Variants in EXOSC1 observed in about 807,000 individuals in gnomAD.
EXOSC1 encodes exosome complex component CSL4.
In EXOSC1, 27 loss-of-function variants were observed where a neutral mutation model predicts 31.4. The observed-to-expected ratio is 0.86, with a 90% confidence interval of 0.63 to 1.18. EXOSC1 has a LOEUF of 1.18. Among genes scored for constraint, EXOSC1 ranks in the 50% most tolerant of loss-of-function variants. The pLI is 0.00. For missense variants in EXOSC1, 228 were observed against 250.3 expected (o/e 0.91, Z 0.60); for synonymous variants, 84 against 89.5 (o/e 0.94, Z 0.35).
chr10:97,442,975 G>A (rs1589467523), intron 3 of EXOSC1, among the ~76,000 whole-genome samples: 2 of 152,258 alleles, frequency 1.3e-5, no homozygotes, highest in Middle Eastern at 3.4e-3. Flanking sequence ...ACAAGCATGA[G>A]CCACCATGCC....
chr10:97,445,572 T>C (rs981585768), intron 2 of EXOSC1, 160 bp downstream of exon 2: 11 of 653,140 alleles, frequency 1.7e-5, no homozygotes, highest in East Asian at 8.3e-5. Context: ...GTGTGGTGGC[T>C]AAGTGCACCA....
At chr10:97,439,708 C>T (rs764161289) in intron 4 of EXOSC1, among the ~76,000 whole-genome samples, 7 of 152,192 alleles carry the variant, frequency 4.6e-5, no homozygotes, top group Non-Finnish European at 8.8e-5. Flanking sequence ...ACCACCCCCT[C>T]CATGGTCTGT....
At chr10:97,443,417 TGGA>T (rs1845777956) in intron 2 of EXOSC1, 106 bp from the exon 3 acceptor site, 2 of 953,334 alleles carry the variant, frequency 2.1e-6, no homozygotes, top group Admixed American at 2.2e-5. Flanking sequence ...AGGTGAGAGT[TGGA>T]GTATGGATTC....
chr10:97,441,852 T>A (rs1351290485), intron 3 of EXOSC1, among the ~76,000 whole-genome samples: 1 of 145,076 alleles, frequency 6.9e-6, no homozygotes, highest in Non-Finnish European at 1.5e-5. Flanking sequence ...ATAGACTTTT[T>A]AAAGTATAGA....
intron 3 of EXOSC1, 142 bp from the exon 4 acceptor site, chr10:97,441,401 C>T (rs551043383): frequency 1.7e-6 from 1 of 595,286 alleles, no homozygotes. Flanking sequence ...TCCTACTTCT[C>T]TCTGCGTAAG....
chr10:97,438,159 C>T (rs1000433704), intron 5 of EXOSC1, among the ~76,000 whole-genome samples: 13 of 151,988 alleles, frequency 8.6e-5, no homozygotes, highest in Non-Finnish European at 1.9e-4. Flanking sequence ...CCTTGTGATC[C>T]GCCCACCTTG....
Position 97,436,243 on chromosome 10 carries a change from C to A in EXOSC1, c.*202G>T. 2.1e-6 allele frequency: 1 copy of A among 469,602 alleles called. No homozygotes were observed. The allele number at this position is 469,602 out of a possible 1,614,324, so 29.1% of individuals were successfully genotyped here. ...AATATCACAGTTTTGTTTGTTGGTG[C>A]CTTGAAAAGATAAGATTTATTACTC... On this transcript the variant is annotated 3_prime_UTR_variant, in exon 8 of 8. Coordinates refer to ENST00000370902, the MANE Select transcript of EXOSC1 (RefSeq NM_016046.5).
chr10:97,437,976 G>C (rs181413542), intron 5 of EXOSC1, among the ~76,000 whole-genome samples: 4 of 152,160 alleles, frequency 2.6e-5, no homozygotes, highest in Admixed American at 2.6e-4. Context: ...CTGGAGTGCA[G>C]TGGTGCGATC....
intron 2 of EXOSC1, chr10:97,444,231 GT>G (rs1206314033): frequency 6.6e-6 from 1 of 152,200 alleles, no homozygotes; most frequent in East Asian, 1.9e-4. Flanking sequence ...TACTTGCAGA[GT>G]TTTCTCTTTG....
intron 2 of EXOSC1, 139 bp from the exon 3 acceptor site, chr10:97,443,450 A>C (rs1439705315): frequency 1.4e-6 from 1 of 713,746 alleles, no homozygotes; most frequent in African/African-American, 1.8e-5. Context: ...CCAGAGCAGA[A>C]GGCCTTAGAA....
intron 2 of EXOSC1, among the ~76,000 whole-genome samples, chr10:97,443,545 C>A (rs1019673453): frequency 6.6e-6 from 1 of 152,180 alleles, no homozygotes; most frequent in African/African-American, 2.4e-5. Flanking sequence ...TTGTTGGAGA[C>A]GGAGTCTTGC....
At chr10:97,442,345 T>G (rs540660471) in intron 3 of EXOSC1, among the ~76,000 whole-genome samples, 150 of 152,278 alleles carry the variant, frequency 9.9e-4, no homozygotes, top group Non-Finnish European at 1.6e-3. Context: ...GTGAAGGAAC[T>G]ATGCATGCCT....
intron 5 of EXOSC1, among the ~76,000 whole-genome samples, chr10:97,438,147 G>A (rs1041324019): frequency 1.3e-5 from 2 of 152,078 alleles, no homozygotes; most frequent in Admixed American, 6.6e-5. Flanking sequence ...TTGAACTCCT[G>A]ACCTTGTGAT....
rs2133168246 is a variant in EXOSC1 at position 97,445,775 on chromosome 10, G to A, written c.104C>T (p.Ser35Leu). The A allele has an allele frequency of 6.2e-7, 1 of 1,613,906 alleles. No individual in the cohort carries two copies. Among genetic ancestry groups the A allele is most frequent in the Non-Finnish European group, 8.5e-7 (1 of 1,179,792 alleles). Residue 35 changes from serine (S) to leucine (L), a missense_variant, in exon 2 of 8, where the codon TCG (serine) becomes TTG (leucine). Ser to Leu is a moderately radical substitution (Grantham distance 145). Coordinates refer to ENST00000370902, the MANE Select transcript of EXOSC1 (RefSeq NM_016046.5). ...CTTCATCAGACAGCCGGCAAGCGAC[G>A]AAAAGATGTAGCCGTGGCGGGTGTA... ...GTYTRHGYIF[S>L]SLAGCLMKSS...
intron 2 of EXOSC1, 121 bp downstream of exon 2, chr10:97,445,611 G>C: frequency 1.2e-6 from 1 of 840,764 alleles, no homozygotes; most frequent in South Asian, 1.7e-5. Context: ...AAGAAACTAA[G>C]AGACCAACAT....
chr10:97,437,833 C>G (rs1845592221), intron 5 of EXOSC1, 83 bp from the exon 6 acceptor site: 1 of 1,135,732 alleles, frequency 8.8e-7, no homozygotes, highest in Non-Finnish European at 1.3e-6. Flanking sequence ...TAAAGCCAAT[C>G]TACTTTCTAA....
chr10:97,436,602 G>A (rs778459203), intron 7 of EXOSC1, 51 bp from the exon 8 acceptor site: 18 of 1,515,828 alleles, frequency 1.2e-5, no homozygotes, highest in South Asian at 7.6e-5. Flanking sequence ...ATTTGCCTGC[G>A]ACTCCTCTTT....
rs563234145 is a variant in EXOSC1 at position 97,436,357 on chromosome 10, G to A, written c.*88C>T. 2.3e-5 allele frequency: 22 copies of A among 975,616 alleles called. No homozygotes were observed. The highest frequency in any genetic ancestry group is 2.2e-4 in the African/African-American group (13 of 60,448). The allele number at this position is 975,616 out of a possible 1,614,324, so 60.4% of individuals were successfully genotyped here. A position where few individuals can be genotyped will look rare whatever the true frequency, so the allele number is the denominator to read the frequency against. On this transcript the variant is annotated 3_prime_UTR_variant, in exon 8 of 8. Transcript: ENST00000370902. ...ATTTTTCTGGAAGTGGCTGTTGGCC[G>A]ACGCCAGGTGTTTGAATAAAGACAG...
chr10:97,439,280 G>C (rs1845642237), intron 4 of EXOSC1, among the ~76,000 whole-genome samples: 1 of 152,190 alleles, frequency 6.6e-6, no homozygotes, highest in Admixed American at 6.5e-5. Flanking sequence ...AAGCACTATA[G>C]CAAGGGCCCC....
Sources: allele counts gnomAD v4.1 joint callset (sites outside exome capture counted in the v4.1 genomes callset), GRCh38; gene constraint gnomAD v4.1.1; transcripts MANE v1.5; gene names NCBI Gene and HGNC (gene_info 2026-07-23, HGNC 2026-07-21).